SCNN1G: variants seen among roughly 807,000 people sequenced by gnomAD.
SCNN1G encodes epithelial sodium channel subunit gamma.
In SCNN1G, 27 loss-of-function variants were observed where a neutral mutation model predicts 64.6. The observed-to-expected ratio is 0.42, with a 90% CI of 0.31 to 0.58. The LOEUF (loss-of-function observed/expected upper bound fraction) is 0.58, where lower values mean the gene tolerates loss of function less well. Ranked by LOEUF, SCNN1G falls within the 20% of genes least tolerant of loss-of-function variation. SCNN1G has a pLI of 0.18. For missense variants in SCNN1G, 743 were observed against 823.4 expected, an observed-to-expected ratio of 0.90 and a Z score of 1.19; for synonymous variants, 330 against 314.2, an observed-to-expected ratio of 1.05 and a Z score of -0.53.
chr16:23,212,984 T>C (rs1960104654), intron 10 of SCNN1G, 90 bp downstream of exon 10: 2 of 1,529,752 alleles, frequency 1.3e-6, no homozygotes, highest in Non-Finnish European at 1.8e-6. Flanking sequence ...TGGGACATGG[T>C]CCAGGGGGAA....
chr16:23,209,673 T>C, intron 6 of SCNN1G, 77 bp from the exon 7 acceptor site: 1 of 1,040,104 alleles, frequency 9.6e-7, no homozygotes, highest in Non-Finnish European at 1.5e-6. Context: ...CAAAGTCCCC[T>C]GTCTGGTGCT....
chr16:23,212,235 C>T (rs550967929), intron 8 of SCNN1G, 84 bp downstream of exon 8: 2 of 877,176 alleles, frequency 2.3e-6, no homozygotes, highest in East Asian at 4.8e-5. Flanking sequence ...GGGACTCCAC[C>T]CCTGTTGCCT....
intron 6 of SCNN1G, among the ~76,000 whole-genome samples, chr16:23,204,312 T>TATATATATAC (rs1959946267): frequency 1.3e-5 from 1 of 79,890 alleles, no homozygotes; most frequent in Non-Finnish European, 2.5e-5. Context: ...TATATATATA[T>TATATATATAC]ATATATATAT....
intron 11 of SCNN1G, among the ~76,000 whole-genome samples, chr16:23,214,448 C>T (rs1287348078): frequency 6.6e-6 from 1 of 152,200 alleles, no homozygotes; most frequent in Admixed American, 6.5e-5. Context: ...GAACAGGGTA[C>T]AATGGCAGTA....
chr16:23,211,991 C>T, intron 7 of SCNN1G, 43 bp from the exon 8 acceptor site: 1 of 1,418,876 alleles, frequency 7.0e-7, no homozygotes, highest in Non-Finnish European at 1.0e-6. Flanking sequence ...CCTGACATCC[C>T]TGAGCAAAGA....
At chr16:23,202,248 ATGGG>A (rs879655390) in intron 6 of SCNN1G, among the ~76,000 whole-genome samples, 8 of 54,834 alleles carry the variant, frequency 1.5e-4, no homozygotes, top group Non-Finnish European at 1.9e-4. Flanking sequence ...TGACAGATGG[ATGGG>A]TGGGTGGGTG....
rs566350539 is a variant in SCNN1G, at chr16:23,209,590, C to A, written c.1078-160C>A. Among the ~76,000 whole-genome samples the A allele has an allele frequency of 2.8e-4, 42 of 152,300 alleles. No individual in the cohort carries two copies. The East Asian group carries it at 7.5e-3, about 27-fold the overall frequency. ...TTTCAGTGTCTACCACAGTACCAGG[C>A]ACCTAATAGGTTCTCACTAACTTTT... On this transcript the variant is annotated intron_variant, in intron 6 of 12. Transcript: ENST00000300061.
intron 3 of SCNN1G, among the ~76,000 whole-genome samples, chr16:23,190,302 A>C (rs1217045486): frequency 6.6e-6 from 1 of 150,966 alleles, no homozygotes; most frequent in African/African-American, 2.4e-5. Context: ...AAGGAAAGAA[A>C]GGAAAGACAC....
rs2141931472 is a variant in SCNN1G, at chr16:23,192,457, C to T, written c.724C>T (p.Pro242Ser). Reference sequence around the variant, plus strand: ...CTACATGAACATCATGGCACAGGTGCCTCTGGAGAAGAAAATCAACATGAG... The same window carrying T: ...CTACATGAACATCATGGCACAGGTGTCTCTGGAGAAGAAAATCAACATGAG... ...LHYMNIMAQVPLEKKINMSYS... is the reference protein window; with the variant it reads ...LHYMNIMAQVSLEKKINMSYS... The change falls in exon 4 of 13, where the codon CCT becomes TCT. Residue 242 changes from proline to serine, a missense_variant. Coordinates refer to ENST00000300061, the MANE Select transcript of SCNN1G (RefSeq NM_001039.4). 1 of 1,613,860 alleles carries T rather than the reference C, an allele frequency of 6.2e-7. No homozygotes were observed. Among genetic ancestry groups the T allele is most frequent in the Admixed American group, 1.7e-5 (1 of 60,022 alleles).
Position 23,199,018 on chromosome 16 carries a change from T to A in SCNN1G, c.1077+1591T>A, listed in dbSNP as rs532582818. 1.7e-4 allele frequency among the ~76,000 whole-genome samples: 23 copies of A among 136,100 alleles called. 1 individual carries two copies. The South Asian group carries it at 6.2e-3, about 37-fold the overall frequency. The allele number at this position is 136,100 out of a possible 152,430, so 89.3% of individuals were successfully genotyped here. ...CAGCTTGGGCAACATAGTGAGACCC[T>A]GCCTCTATTTTTTTTTTAAGAACTT... is the stretch of plus-strand genomic sequence containing the variant. On this transcript the variant is annotated intron_variant, in intron 6 of 12. Transcript: ENST00000300061.
At chr16:23,184,533 A>C (rs1374914605) in intron 1 of SCNN1G, among the ~76,000 whole-genome samples, 1 of 152,134 alleles carries the variant, frequency 6.6e-6, no homozygotes, top group African/African-American at 2.4e-5. Context: ...AGAGGCTACT[A>C]GCATCATTTT....
At chr16:23,209,960 G>T in intron 7 of SCNN1G, 112 bp downstream of exon 7, 1 of 775,782 alleles carries the variant, frequency 1.3e-6, no homozygotes, top group Non-Finnish European at 2.3e-6. Context: ...GAGGATCCCT[G>T]GGGTTCATCC....
intron 1 of SCNN1G, among the ~76,000 whole-genome samples, chr16:23,185,909 G>A (rs180995427): frequency 6.6e-6 from 1 of 152,282 alleles, no homozygotes; most frequent in Admixed American, 6.5e-5. Context: ...CAGAGTTCCT[G>A]CCCAGGAACC....
At chr16:23,213,071 C>T (rs765480212) in intron 10 of SCNN1G, 31 bp from the exon 11 acceptor site, 1 of 1,607,274 alleles carries the variant, frequency 6.2e-7, no homozygotes, top group South Asian at 1.1e-5. Flanking sequence ...CTCAGGCACC[C>T]TCAGGCCCAC....
rs750314198 is a variant in SCNN1G at position 23,212,127 on chromosome 16, A to C, written c.1270A>C (p.Asn424His). 27 of 1,612,904 alleles carry C rather than the reference A, an allele frequency of 1.7e-5. No individual in the cohort carries two copies. In the South Asian group the frequency reaches 2.9e-4, roughly 17 times the overall value. Residue 424 changes from asparagine (N) to histidine (H), a missense_variant, in exon 8 of 13, where the codon AAC becomes CAC. Physicochemically the swap from Asn to His is moderately conservative, Grantham distance 68. Coordinates refer to ENST00000300061, the MANE Select transcript of SCNN1G (RefSeq NM_001039.4). ...QPLPPAANYC[N>H]YQQHPNWMYC... Reference sequence around the variant, plus strand: ...TCTACCTCCTGCAGCCAACTACTGCAACTACCAGCAGCACCCCAACTGGAG... The same window carrying C: ...TCTACCTCCTGCAGCCAACTACTGCCACTACCAGCAGCACCCCAACTGGAG...
chr16:23,214,747 A>G lies in SCNN1G; in HGVS notation c.1529A>G (p.Asp510Gly). 1 of 1,614,144 alleles carries G rather than the reference A, an allele frequency of 6.2e-7. No individual in the cohort carries two copies. Reference sequence around the variant, plus strand: ...GCCAAACTCTTGATATTCTACAAAGACCTGAACCAGAGATCCATCATGGAG... The same window carrying G: ...GCCAAACTCTTGATATTCTACAAAGGCCTGAACCAGAGATCCATCATGGAG... The part of the protein sequence containing the change: ...DLAKLLIFYK[D>G]LNQRSIMESP... Residue 510 changes from aspartate (D) to glycine (G), a missense_variant, in exon 12 of 13, where the codon GAC (aspartate) becomes GGC (glycine). Transcript: ENST00000300061.
chr16:23,205,889 G>A (rs1208681976), intron 6 of SCNN1G, among the ~76,000 whole-genome samples: 1 of 152,058 alleles, frequency 6.6e-6, no homozygotes, highest in Non-Finnish European at 1.5e-5. Context: ...CACCCCCAGA[G>A]CCCAGCTGCC....
At chr16:23,187,100 C>T (rs1204837388) in intron 2 of SCNN1G, among the ~76,000 whole-genome samples, 1 of 146,898 alleles carries the variant, frequency 6.8e-6, no homozygotes, top group Admixed American at 7.0e-5. Context: ...CAGTACCTGG[C>T]CTTTTCTTTT....
At position 23,197,266 on chromosome 16, in the gene SCNN1G, C is replaced by A; in HGVS notation, c.916C>A (p.Leu306Met). 1 of 1,613,444 alleles carries A rather than the reference C, an allele frequency of 6.2e-7. No individual in the cohort carries two copies. Among genetic ancestry groups the A allele is most frequent in the Non-Finnish European group, 8.5e-7 (1 of 1,179,800 alleles). The change falls in exon 6 of 13, where the codon CTG becomes ATG. Residue 306 changes from leucine (L) to methionine (M), a missense_variant and splice_region_variant. Physicochemically the swap from Leu to Met is conservative, Grantham distance 15. Transcript: ENST00000300061. ...AGCAGGTTGTCTTATCCTCCCAGGG[C>A]TGCAAGTCATTTTGTACATAAACGA... ...STSMGGSEYG[L>M]QVILYINEEE...
Sources: allele counts gnomAD v4.1 joint callset (sites outside exome capture counted in the v4.1 genomes callset), GRCh38; gene constraint gnomAD v4.1.1; transcripts MANE v1.5; gene names NCBI Gene and HGNC (gene_info 2026-07-23, HGNC 2026-07-21).